KIRREL3: variants seen among roughly 807,000 people sequenced by gnomAD.
KIRREL3 encodes the protein kin of IRRE-like protein 3.
Under a neutral mutation model 89.7 loss-of-function variants are expected in KIRREL3, and 36 were observed. The observed-to-expected ratio is 0.40, with a 90% CI of 0.31 to 0.53. The LOEUF is 0.53. Ranked by LOEUF, KIRREL3 falls within the 20% of genes least tolerant of loss-of-function variation. KIRREL3 has a pLI of 0.49. For missense variants in KIRREL3, 864 were observed against 1,056.6 expected (o/e 0.82, Z 2.53); for synonymous variants, 445 against 441.4 (o/e 1.01, Z -0.10).
chr11:126,717,077 C>T (rs572892875), intron 1 of KIRREL3, among the ~76,000 whole-genome samples: 3 of 152,268 alleles, frequency 2.0e-5, no homozygotes, highest in African/African-American at 7.2e-5. Context: ...GGTCAGATCA[C>T]CATCTCAAAC....
intron 1 of KIRREL3, among the ~76,000 whole-genome samples, chr11:126,806,232 A>G (rs768009682): frequency 6.6e-6 from 1 of 152,274 alleles, no homozygotes; most frequent in South Asian, 2.1e-4. Flanking sequence ...CATGAATAAC[A>G]TTCTCCCTCA....
rs943371115 is a variant in KIRREL3, at chr11:126,587,048, G to A, written c.56-24136C>T. On this transcript the variant is annotated intron_variant, in intron 1 of 16. Transcript: ENST00000525144. This position sits in a 1 kb window ranked among gnomAD's most constrained non-coding sequence, Gnocchi z 5.2. ...GAGAGAGTCCCTGCCTCAGGGAGCTGGGAGTCAGTGGGAGAGATGAATAAA... is the reference window on the plus strand; with the variant it reads ...GAGAGAGTCCCTGCCTCAGGGAGCTAGGAGTCAGTGGGAGAGATGAATAAA... Among the ~76,000 whole-genome samples, 1 of 152,192 alleles carries A rather than the reference G, an allele frequency of 6.6e-6. No homozygotes were observed. The highest frequency in any genetic ancestry group is 2.4e-5 in the African/African-American group (1 of 41,434).
In KIRREL3 at chr11:126,553,620, G is replaced by A. The variant is rs534578780; in HGVS notation, c.133+9215C>T. Among the ~76,000 whole-genome samples, 3 of 152,318 alleles carry A rather than the reference G, an allele frequency of 2.0e-5. No homozygotes were observed. Among genetic ancestry groups the A allele is most frequent in the East Asian group, 1.9e-4 (1 of 5,176 alleles). On this transcript the variant is annotated intron_variant, in intron 2 of 16. Coordinates refer to ENST00000525144, the MANE Select transcript of KIRREL3 (RefSeq NM_032531.4). The surrounding 1 kb of genome is among the most constrained non-coding windows in gnomAD (Gnocchi z 4.7). Reference sequence around the variant, plus strand: ...GAGCAGCTGGGGCTATCTGCGTGTCGATTCCCGTCACCTTCTGAACCTTGA... The same window carrying A: ...GAGCAGCTGGGGCTATCTGCGTGTCAATTCCCGTCACCTTCTGAACCTTGA...
rs1261537880 is a variant in KIRREL3 at position 126,606,495 on chromosome 11, G to A, written c.56-43583C>T. The stretch of plus-strand genomic sequence containing the variant: ...ATTATTAAGTTGTCGATTTCACAGG[G>A]CCATGGGGGAGGGAAGTCCGGGCTC... On this transcript the variant is annotated intron_variant, in intron 1 of 16. Transcript: ENST00000525144. This position sits in a 1 kb window ranked among gnomAD's most constrained non-coding sequence, Gnocchi z 4.6. 6.6e-6 allele frequency among the ~76,000 whole-genome samples: 1 copy of A among 152,166 alleles called. No homozygotes were observed. Among genetic ancestry groups the A allele is most frequent in the Non-Finnish European group, 1.5e-5 (1 of 68,024 alleles).
At chr11:126,464,648 G>A (rs1376592424) in intron 5 of KIRREL3, among the ~76,000 whole-genome samples, 1 of 152,150 alleles carries the variant, frequency 6.6e-6, no homozygotes, top group Non-Finnish European at 1.5e-5. Context: ...AAACAGAGAA[G>A]GCCAGGTGAA....
rs570783804 is a variant in KIRREL3, at chr11:126,520,668, C to T, written c.433+647G>A. On this transcript the variant is annotated intron_variant, in intron 4 of 16. Transcript: ENST00000525144. The surrounding 1 kb of genome is among the most constrained non-coding windows in gnomAD (Gnocchi z 4.9). Reference sequence around the variant, plus strand: ...GTCACCGAGCCCATTCCCCTGTCTTCAGGCAAGATGATCCAGGAACGCTGG... The same window carrying T: ...GTCACCGAGCCCATTCCCCTGTCTTTAGGCAAGATGATCCAGGAACGCTGG... 1.4e-3 allele frequency among the ~76,000 whole-genome samples: 209 copies of T among 152,248 alleles called. No individual in the cohort carries two copies. The highest frequency in any genetic ancestry group is 6.0e-3 in the South Asian group (29 of 4,818).
chr11:127,000,383 C>A lies in KIRREL3; in HGVS notation c.55+72G>T. 7.4e-7 allele frequency: 1 copy of A among 1,353,864 alleles called. No homozygotes were observed. Among genetic ancestry groups the A allele is most frequent in the South Asian group, 1.3e-5 (1 of 76,748 alleles). 83.9% of individuals were successfully genotyped at this position (1,353,864 alleles called of 1,614,324 possible). On this transcript the variant is annotated intron_variant, in intron 1 of 16. Coordinates refer to ENST00000525144, the MANE Select transcript of KIRREL3 (RefSeq NM_032531.4). This position sits in a 1 kb window ranked among gnomAD's most constrained non-coding sequence, Gnocchi z 7.1. ...CGAGTTCCCGAAGCCTGCCCACGTT[C>A]CTGCCCACAGCCTCCCGCGCCCTGA...
At chr11:126,699,758 A>G (rs1358997625) in intron 1 of KIRREL3, among the ~76,000 whole-genome samples, 1 of 152,244 alleles carries the variant, frequency 6.6e-6, no homozygotes, top group Non-Finnish European at 1.5e-5. Flanking sequence ...AAAAAATTGT[A>G]TGTATAATTA....
At chr11:126,855,786 G>C (rs907726236) in intron 1 of KIRREL3, among the ~76,000 whole-genome samples, 1 of 152,158 alleles carries the variant, frequency 6.6e-6, no homozygotes, top group African/African-American at 2.4e-5. Flanking sequence ...ACCAACCTAT[G>C]ACTCTAGGAG....
intron 4 of KIRREL3, among the ~76,000 whole-genome samples, chr11:126,506,102 A>G (rs1006893337): frequency 1.3e-5 from 2 of 152,230 alleles, no homozygotes; most frequent in African/African-American, 4.8e-5. Flanking sequence ...TTCACAAATC[A>G]CTAAAACTTA....
chr11:126,469,995 G>A (rs1170124288), intron 5 of KIRREL3, among the ~76,000 whole-genome samples: 1 of 152,246 alleles, frequency 6.6e-6, no homozygotes. Flanking sequence ...GCGACTGCCT[G>A]GCGCTGCCGT....
At chr11:126,862,925 C>T (rs1280408858) in intron 1 of KIRREL3, among the ~76,000 whole-genome samples, 1 of 152,196 alleles carries the variant, frequency 6.6e-6, no homozygotes, top group Admixed American at 6.5e-5. Flanking sequence ...GGCTTTCTGA[C>T]CACAGAGAGC....
At position 126,454,605 on chromosome 11, in the gene KIRREL3, T is replaced by G. The variant is rs1956279947; in HGVS notation, c.848+1744A>C. ...CTGGGAGCAGACAGAGGAGAGAAGCTGAACTTGTATGGAGAAACCCAGGCC... is the reference window on the plus strand; with the variant it reads ...CTGGGAGCAGACAGAGGAGAGAAGCGGAACTTGTATGGAGAAACCCAGGCC... On this transcript the variant is annotated intron_variant, in intron 7 of 16. Coordinates refer to ENST00000525144, the MANE Select transcript of KIRREL3 (RefSeq NM_032531.4). This position sits in a 1 kb window ranked among gnomAD's most constrained non-coding sequence, Gnocchi z 5.8. Among the ~76,000 whole-genome samples, 1 of 152,026 alleles carries G rather than the reference T, an allele frequency of 6.6e-6. No homozygotes were observed. Among genetic ancestry groups the G allele is most frequent in the South Asian group, 2.1e-4 (1 of 4,816 alleles).
intron 1 of KIRREL3, among the ~76,000 whole-genome samples, chr11:126,619,535 G>A (rs1943493429): frequency 1.3e-5 from 2 of 152,186 alleles, no homozygotes; most frequent in South Asian, 4.1e-4. Context: ...CTAATTGTTG[G>A]AAGGACTGTT....
At chr11:126,861,417 A>G (rs1368570214) in intron 1 of KIRREL3, among the ~76,000 whole-genome samples, 3 of 151,918 alleles carry the variant, frequency 2.0e-5, no homozygotes, top group African/African-American at 4.8e-5. Flanking sequence ...CGGGGCAGAG[A>G]AAGAGAGATG....
chr11:126,921,391 GTATCTATCTATCTATC>G (rs35917135), intron 1 of KIRREL3, among the ~76,000 whole-genome samples: 5,762 of 144,076 alleles, frequency 0.04, 115 homozygotes, highest in East Asian at 0.047. Context: ...ATCCTGTCTT[GTATCTATCTATCTATC>G]TATCTATCTA....
chr11:126,885,746 C>A (rs1368896288), intron 1 of KIRREL3, among the ~76,000 whole-genome samples: 1 of 152,170 alleles, frequency 6.6e-6, no homozygotes, highest in Non-Finnish European at 1.5e-5. Context: ...AGGCTGGCTC[C>A]CGAGCTACCT....
intron 7 of KIRREL3, among the ~76,000 whole-genome samples, chr11:126,451,070 CATGT>C (rs1165640198): frequency 8.7e-6 from 1 of 114,884 alleles, no homozygotes; most frequent in Non-Finnish European, 1.9e-5. Flanking sequence ...CATGCATGTG[CATGT>C]GTGTGCGTGT....
chr11:126,656,284 C>A lies in KIRREL3; in HGVS notation c.56-93372G>T. 2.7e-6 allele frequency: 1 copy of A among 371,652 alleles called. No homozygotes were observed. Among genetic ancestry groups the A allele is most frequent in the Non-Finnish European group, 5.5e-6 (1 of 181,526 alleles). 23.0% of individuals were successfully genotyped at this position (371,652 alleles called of 1,614,324 possible). On this transcript the variant is annotated intron_variant, in intron 1 of 16. Coordinates refer to ENST00000525144, the MANE Select transcript of KIRREL3 (RefSeq NM_032531.4). The surrounding 1 kb of genome is among the most constrained non-coding windows in gnomAD (Gnocchi z 4.0). ...CAGGCTGGTTTCTTAACCATAACCT[C>A]CATGATTCAGTTTCTTCATTTGCAA...
Sources: allele counts gnomAD v4.1 joint callset (sites outside exome capture counted in the v4.1 genomes callset), GRCh38; gene constraint gnomAD v4.1.1; non-coding constraint Gnocchi (gnomAD v3.1); transcripts MANE v1.5; gene names NCBI Gene and HGNC (gene_info 2026-07-23, HGNC 2026-07-21).